B3GALT5: variants seen among roughly 807,000 people sequenced by gnomAD.
B3GALT5 encodes the protein beta-1,3-galactosyltransferase 5, also known as UDP-Gal:betaGlcNAc beta 1,3-galactosyltransferase, polypeptide 5.
For missense variants in B3GALT5, 328 were observed against 396.6 expected, an observed-to-expected ratio of 0.83 and a Z score of 1.47; for synonymous variants, 156 against 158.6, an observed-to-expected ratio of 0.98 and a Z score of 0.12.
intron 1 of B3GALT5, among the ~76,000 whole-genome samples, chr21:39,639,398 CTTT>C (rs762137403): frequency 0.044 from 3,270 of 75,032 alleles, 172 homozygotes; most frequent in Middle Eastern, 0.07. Flanking sequence ...TTCCTTCTTT[CTTT>C]TTCTTTCTTT....
At chr21:39,660,386 A>G (rs1340899074) in intron 3 of B3GALT5, among the ~76,000 whole-genome samples, 174 bp from the exon 4 acceptor site, 1 of 152,232 alleles carries the variant, frequency 6.6e-6, no homozygotes, top group East Asian at 1.9e-4. Flanking sequence ...AGATGCTGGC[A>G]GATGTTAGAC....
chr21:39,643,841 C>T (rs2079312743), intron 1 of B3GALT5, among the ~76,000 whole-genome samples: 1 of 152,162 alleles, frequency 6.6e-6, no homozygotes, highest in African/African-American at 2.4e-5. Flanking sequence ...GGCTGGTGTG[C>T]AGGGGGAGTA....
intron 1 of B3GALT5, among the ~76,000 whole-genome samples, chr21:39,633,113 G>A (rs944506417): frequency 6.6e-6 from 1 of 152,094 alleles, no homozygotes; most frequent in African/African-American, 2.4e-5. Context: ...AGATCTGGGG[G>A]CAGGGAAATG....
rs570266163 is a variant in B3GALT5, at chr21:39,656,642, C to T, written c.-160-3111C>T. On this transcript the variant is annotated intron_variant, in intron 2 of 3. Transcript: ENST00000684187. The stretch of plus-strand genomic sequence containing the variant: ...GCATCTTGAACTTAACTTTCCAGAC[C>T]CCCCCTTCAGTTTTCCAGTCCTTAG... Among the ~76,000 whole-genome samples the T allele has an allele frequency of 1.5e-4, 23 of 152,304 alleles. No individual in the cohort carries two copies. In the South Asian group the frequency reaches 4.3e-3, roughly 29 times the overall value.
At chr21:39,634,758 A>T (rs184737384) in intron 1 of B3GALT5, among the ~76,000 whole-genome samples, 106 of 152,204 alleles carry the variant, frequency 7.0e-4, no homozygotes, top group African/African-American at 2.5e-3. Context: ...AATCTGCTTC[A>T]GGCCAGGCCA....
chr21:39,647,971 CT>C (rs2079357629), intron 2 of B3GALT5, among the ~76,000 whole-genome samples: 1 of 152,128 alleles, frequency 6.6e-6, no homozygotes, highest in African/African-American at 2.4e-5. Context: ...ATTGGCAGCC[CT>C]ATTAATGATG....
At chr21:39,616,217 G>A (rs2079106721) in intron 1 of B3GALT5, among the ~76,000 whole-genome samples, 1 of 152,032 alleles carries the variant, frequency 6.6e-6, no homozygotes, top group South Asian at 2.1e-4. Flanking sequence ...TATAATTATT[G>A]GAAACCATTC....
At chr21:39,648,539 G>C (rs1038846787) in intron 2 of B3GALT5, among the ~76,000 whole-genome samples, 1 of 152,192 alleles carries the variant, frequency 6.6e-6, no homozygotes, top group Non-Finnish European at 1.5e-5. Flanking sequence ...GGTTGGAAGA[G>C]AGCAGCACTT....
rs2079524273 is a variant in B3GALT5 at position 39,661,484 on chromosome 21, CCTGT to C, written c.929_932del (p.Val310GlufsTer21). On this transcript the variant is annotated frameshift_variant, in exon 4 of 4. Transcript: ENST00000684187. LOFTEE classifies it high-confidence loss of function. This position sits in a 1 kb window ranked among gnomAD's most constrained non-coding sequence, Gnocchi z 4.7. ...GAATTCCCGGGGGGAAGATTGTCCG[CCTGT>C]CTGAGGGGAGCCCAGAGGCACATCC... 1.3e-6 allele frequency: 2 copies of C among 1,508,476 alleles called. No individual in the cohort carries two copies. Among genetic ancestry groups the C allele is most frequent in the South Asian group, 2.8e-5 (2 of 72,444 alleles). 93.4% of individuals were successfully genotyped at this position (1,508,476 alleles called of 1,614,324 possible). A position where few individuals can be genotyped will look rare whatever the true frequency, so the allele number is the denominator to read the frequency against.
chr21:39,640,409 C>T (rs1395896341), intron 1 of B3GALT5, among the ~76,000 whole-genome samples: 1 of 152,138 alleles, frequency 6.6e-6, no homozygotes, highest in Non-Finnish European at 1.5e-5. Flanking sequence ...CCTCATGCTC[C>T]CTGGTTCAGA....
At chr21:39,657,333 A>G (rs888869035) in intron 2 of B3GALT5, 2 of 152,296 alleles carry the variant, frequency 1.3e-5, no homozygotes, top group African/African-American at 4.8e-5. Flanking sequence ...GACTGGGCCC[A>G]GATAGAACAA....
intron 2 of B3GALT5, among the ~76,000 whole-genome samples, chr21:39,656,791 G>A (rs2079449434): frequency 6.6e-6 from 1 of 152,230 alleles, no homozygotes; most frequent in Non-Finnish European, 1.5e-5. Context: ...CGGGTAGGAT[G>A]CTGATGCCCA....
intron 1 of B3GALT5, among the ~76,000 whole-genome samples, chr21:39,642,637 G>A (rs1228430132): frequency 3.9e-5 from 6 of 152,192 alleles, no homozygotes; most frequent in African/African-American, 9.6e-5. Context: ...TTTTGAAGAC[G>A]TTAGAAAATA....
chr21:39,663,805 G>C lies in B3GALT5; in HGVS notation c.*2313G>C, dbSNP rs909372435. 5 of 152,262 alleles carry C rather than the reference G, an allele frequency of 3.3e-5. No individual in the cohort carries two copies. Among genetic ancestry groups the C allele is most frequent in the African/African-American group, 4.8e-5 (2 of 41,426 alleles). 9.4% of individuals were successfully genotyped at this position (152,262 alleles called of 1,614,324 possible). ...TCCCAGCTTGTTTGTTGCAGAAGGA[G>C]GGTTCCAGCTCAGCGTGGGTTTCCT... On this transcript the variant is annotated 3_prime_UTR_variant, in exon 4 of 4. Transcript: ENST00000684187.
chr21:39,629,280 G>A (rs1250692899), intron 1 of B3GALT5, among the ~76,000 whole-genome samples: 1 of 152,196 alleles, frequency 6.6e-6, no homozygotes, highest in Non-Finnish European at 1.5e-5. Context: ...CCTCCAAAGT[G>A]CTGGGATTAT....
intron 1 of B3GALT5, among the ~76,000 whole-genome samples, chr21:39,627,882 A>G (rs1465603041): frequency 2.0e-5 from 3 of 152,138 alleles, no homozygotes; most frequent in Admixed American, 1.3e-4. Context: ...AATACTAAAC[A>G]TTTTCATTTT....
At position 39,660,638 on chromosome 21, in the gene B3GALT5, A is replaced by G. The variant is rs776908443; in HGVS notation, c.79A>G (p.Ser27Gly). 4 of 1,509,258 alleles carry G rather than the reference A, an allele frequency of 2.7e-6. No homozygotes were observed. Among genetic ancestry groups the G allele is most frequent in the Non-Finnish European group, 3.5e-6 (4 of 1,129,464 alleles). The allele number at this position is 1,509,258 out of a possible 1,614,324, so 93.5% of individuals were successfully genotyped here. ...TCTTTGTTTGTATTTTAGCATGTACAGTCTAAATCCTTTCAAAGAACAGTC... is the reference window on the plus strand; with the variant it reads ...TCTTTGTTTGTATTTTAGCATGTACGGTCTAAATCCTTTCAAAGAACAGTC... ...GALCLYFSMY[S>G]LNPFKEQSFV... Residue 27 changes from serine to glycine, a missense_variant, in exon 4 of 4, where the codon AGT becomes GGT. Ser to Gly is a moderately conservative substitution (Grantham distance 56). Transcript: ENST00000684187.
At chr21:39,624,806 A>C (rs1298496094) in intron 1 of B3GALT5, among the ~76,000 whole-genome samples, 2 of 144,548 alleles carry the variant, frequency 1.4e-5, no homozygotes, top group East Asian at 4.0e-4. Context: ...CAGTTTACCT[A>C]AAAAAAAAAA....
At chr21:39,648,170 A>C (rs1334929346) in intron 2 of B3GALT5, among the ~76,000 whole-genome samples, 1 of 152,248 alleles carries the variant, frequency 6.6e-6, no homozygotes, top group Non-Finnish European at 1.5e-5. Flanking sequence ...GAAATTGTTC[A>C]AATAAAATCA....
Sources: gnomAD v4.1 joint callset for allele counts (sites outside exome capture counted in the v4.1 genomes callset) on GRCh38, gnomAD v4.1.1 for gene constraint, Gnocchi (gnomAD v3.1) non-coding constraint, MANE v1.5 for transcripts, NCBI Gene and HGNC (gene_info 2026-07-23, HGNC 2026-07-21) for gene names.